The following ARHGAP17 variants were observed in gnomAD, a reference collection of about 807,000 sequenced individuals.
The protein encoded by ARHGAP17 is rho GTPase-activating protein 17.
A neutral mutation model predicts 99.5 loss-of-function variants in ARHGAP17; 57 were observed. The ratio of observed to expected loss-of-function variants is 0.57; its 90% CI spans 0.46 to 0.71. The LOEUF is 0.71. ARHGAP17 is among the 30% of genes least tolerant of loss of function. The probability of loss-of-function intolerance (pLI) is 0.00; values close to 1 mark genes in which losing one functional copy is unlikely to be tolerated. For synonymous variants in ARHGAP17, 417 were observed against 429.6 expected (o/e 0.97, Z 0.36); for missense variants, 1,000 against 1,122.4 (o/e 0.89, Z 1.56).
intron 1 of ARHGAP17, among the ~76,000 whole-genome samples, chr16:24,992,007 G>C (rs1459904457): frequency 6.6e-6 from 1 of 152,178 alleles, no homozygotes; most frequent in African/African-American, 2.4e-5. Context: ...GGAAAGCAGG[G>C]AAACAGTCCA....
At chr16:24,948,410 G>A (rs1262911435) in intron 13 of ARHGAP17, among the ~76,000 whole-genome samples, 1 of 152,136 alleles carries the variant, frequency 6.6e-6, no homozygotes, top group South Asian at 2.1e-4. Context: ...CTGGGTGGCT[G>A]GGGTATGGGA....
At chr16:25,007,163 G>A (rs1054068781) in intron 1 of ARHGAP17, among the ~76,000 whole-genome samples, 1 of 152,104 alleles carries the variant, frequency 6.6e-6, no homozygotes, top group African/African-American at 2.4e-5. Context: ...TAAGTTTAAA[G>A]TTTCAAATTT....
At chr16:24,971,085 A>G (rs1253984724) in intron 3 of ARHGAP17, among the ~76,000 whole-genome samples, 1 of 152,092 alleles carries the variant, frequency 6.6e-6, no homozygotes, top group Non-Finnish European at 1.5e-5. Flanking sequence ...GACCAGGCTA[A>G]TCTCAAACTC....
chr16:24,995,283 G>A (rs1272343182), intron 1 of ARHGAP17, among the ~76,000 whole-genome samples: 1 of 152,170 alleles, frequency 6.6e-6, no homozygotes, highest in South Asian at 2.1e-4. Flanking sequence ...GCACAGAGAA[G>A]CACATTAAAT....
chr16:25,010,879 C>T (rs1381295947), intron 1 of ARHGAP17, among the ~76,000 whole-genome samples: 1 of 152,220 alleles, frequency 6.6e-6, no homozygotes, highest in African/African-American at 2.4e-5. Context: ...TTTGGGTTTA[C>T]AACCTTGGGT....
At chr16:24,994,776 C>CA (rs1274214400) in intron 1 of ARHGAP17, among the ~76,000 whole-genome samples, 1 of 152,160 alleles carries the variant, frequency 6.6e-6, no homozygotes, top group Non-Finnish European at 1.5e-5. Flanking sequence ...AATATTACTT[C>CA]AGGGACCCTG....
intron 9 of ARHGAP17, 75 bp downstream of exon 9, chr16:24,959,596 G>T: frequency 7.0e-7 from 1 of 1,434,642 alleles, no homozygotes; most frequent in Non-Finnish European, 9.7e-7. Flanking sequence ...ATGCAGAGGA[G>T]TCAGGGTGAA....
rs779875035 is a variant in ARHGAP17 at position 24,949,473 on chromosome 16, T to A, written c.1058A>T (p.Gln353Leu). ...EWTQVASVQD[Q>L]DKKLQDLWRT... is the part of the protein sequence containing the mutation. ...CCACAAGTCTTGAAGTTTTTTGTCT[T>A]GATCCTGCACACTGAGAACAAAAAC... The change falls in exon 13 of 20, where the codon CAA becomes CTA. Residue 353 changes from glutamine (Q) to leucine (L), a missense_variant. Transcript: ENST00000289968. 6.2e-7 allele frequency: 1 copy of A among 1,613,710 alleles called. No individual in the cohort carries two copies. The highest frequency in any genetic ancestry group is 1.3e-5 in the African/African-American group (1 of 74,924).
intron 1 of ARHGAP17, among the ~76,000 whole-genome samples, chr16:24,982,641 C>G (rs1219715040): frequency 6.6e-6 from 1 of 152,066 alleles, no homozygotes; most frequent in African/African-American, 2.4e-5. Context: ...ATGACCTGAT[C>G]TCCCTCATCA....
intron 1 of ARHGAP17, among the ~76,000 whole-genome samples, chr16:24,983,606 T>C (rs1370195162): frequency 2.6e-5 from 4 of 152,192 alleles, no homozygotes; most frequent in Middle Eastern, 3.2e-3. Context: ...CTAGATTGTT[T>C]TGAATCAGAC....
At position 24,954,188 on chromosome 16, in the gene ARHGAP17, A is replaced by G. The variant is rs62032848; in HGVS notation, c.852+415T>C. Among the ~76,000 whole-genome samples the G allele has an allele frequency of 6.1e-3, 936 of 152,318 alleles. 5 individuals carry two copies. Among genetic ancestry groups the G allele is most frequent in the Middle Eastern group, 0.024 (7 of 294 alleles). ...TTGGGGTAAGAATCCTGTAAAATTA[A>G]GTATGTAAATGACCTCCAACCAAAA... On this transcript the variant is annotated intron_variant, in intron 10 of 19. Transcript: ENST00000289968.
intron 3 of ARHGAP17, among the ~76,000 whole-genome samples, chr16:24,972,169 A>G (rs1004313758): frequency 6.6e-6 from 1 of 152,188 alleles, no homozygotes; most frequent in African/African-American, 2.4e-5. Context: ...ACTGGACAGA[A>G]TATCTCTGCA....
chr16:24,968,340 C>T lies in ARHGAP17; in HGVS notation c.461+11G>A, dbSNP rs1314102102. On this transcript the variant is annotated intron_variant, in intron 6 of 19. Transcript: ENST00000289968. ...GGGACACAATGCTGCATTGCTGGCT[C>T]AAGCTGTTACCTGGCTCTGACTGAA... 3.1e-5 allele frequency: 50 copies of T among 1,613,930 alleles called. No individual in the cohort carries two copies. The highest frequency in any genetic ancestry group is 4.0e-5 in the Non-Finnish European group (47 of 1,179,914).
At chr16:24,942,493 G>A (rs1004450600) in intron 15 of ARHGAP17, among the ~76,000 whole-genome samples, 7 of 152,180 alleles carry the variant, frequency 4.6e-5, no homozygotes, top group African/African-American at 1.7e-4. Context: ...TTAGCTGGGT[G>A]TGGTGGCTCA....
intron 1 of ARHGAP17, among the ~76,000 whole-genome samples, chr16:25,013,533 G>T (rs1053576196): frequency 6.6e-6 from 1 of 151,958 alleles, no homozygotes; most frequent in Non-Finnish European, 1.5e-5. Flanking sequence ...AGGCGAGAGG[G>T]TCGCTTGAGC....
chr16:25,014,363 A>T (rs1055538939), intron 1 of ARHGAP17, among the ~76,000 whole-genome samples: 4 of 152,236 alleles, frequency 2.6e-5, no homozygotes, highest in Non-Finnish European at 5.9e-5. Flanking sequence ...AGTCACCTCC[A>T]GAAACTCTCA....
chr16:24,993,090 T>C (rs1353650054), intron 1 of ARHGAP17, among the ~76,000 whole-genome samples: 1 of 152,176 alleles, frequency 6.6e-6, no homozygotes, highest in Non-Finnish European at 1.5e-5. Context: ...GTCTAAAATC[T>C]TAACGTGCTG....
intron 19 of ARHGAP17, among the ~76,000 whole-genome samples, chr16:24,926,130 A>C (rs1377287257): frequency 6.6e-6 from 1 of 151,830 alleles, no homozygotes. Flanking sequence ...AAGAAAAGAA[A>C]AGAAAAGAGA....
At chr16:25,009,385 G>T (rs539700804) in intron 1 of ARHGAP17, among the ~76,000 whole-genome samples, 2 of 151,706 alleles carry the variant, frequency 1.3e-5, no homozygotes, top group African/African-American at 2.4e-5. Flanking sequence ...AAAAAAGGGT[G>T]GGGGGAAGGA....
Sources: allele counts gnomAD v4.1 joint callset (sites outside exome capture counted in the v4.1 genomes callset), GRCh38; gene constraint gnomAD v4.1.1; transcripts MANE v1.5; gene names NCBI Gene and HGNC (gene_info 2026-07-23, HGNC 2026-07-21).